Variants in IL13RA1 observed in about 807,000 individuals in gnomAD.
IL13RA1 encodes the protein interleukin 13 receptor subunit alpha 1.
A neutral mutation model predicts 33.8 loss-of-function variants in IL13RA1; 14 were observed. The ratio of observed to expected loss-of-function variants is 0.41; its 90% CI spans 0.27 to 0.65. IL13RA1 has a LOEUF of 0.65. Ranked by LOEUF, IL13RA1 falls within the 30% of genes least tolerant of loss-of-function variation. The probability of loss-of-function intolerance (pLI) is 0.28; values close to 1 mark genes in which losing one functional copy is unlikely to be tolerated. For missense variants in IL13RA1, 313 were observed against 327.0 expected (o/e 0.96, Z 0.33); for synonymous variants, 116 against 115.7 (o/e 1.00, Z -0.02).
intron 1 of IL13RA1, among the ~76,000 whole-genome samples, chrX:118,734,586 C>T (rs908130687): frequency 1.8e-5 from 2 of 111,816 alleles, no homozygotes; most frequent in Non-Finnish European, 3.8e-5. Context: ...GTAGTTTTTT[C>T]CCCTTTATTC....
At chrX:118,796,008 A>C (rs779572026), downstream of IL13RA1, among the ~76,000 whole-genome samples, 1 of 112,377 alleles carries the variant, frequency 8.9e-6, no homozygotes, top group African/African-American at 3.2e-5. Flanking sequence ...GATGTGCTAG[A>C]TATTTTTGAC....
At position 118,794,225 on chromosome X, in the gene IL13RA1, C is replaced by T. The variant is rs908003479; in HGVS notation, c.*2371C>T. The stretch of plus-strand genomic sequence containing the variant: ...TGGGAATACCTGTGGTGGTTGTGAT[C>T]CCTAGGTCTTGGGAGCTCTTGGAGG... On this transcript the variant is annotated 3_prime_UTR_variant, in exon 11 of 11. Coordinates refer to ENST00000371666, the MANE Select transcript of IL13RA1 (RefSeq NM_001560.3). The T allele has an allele frequency of 2.7e-5, 3 of 111,681 alleles. No individual in the cohort carries two copies. The highest frequency in any genetic ancestry group is 5.7e-5 in the Non-Finnish European group (3 of 53,070). 9.2% of individuals were successfully genotyped at this position (111,681 alleles called of 1,213,427 possible).
chrX:118,769,004 C>G (rs1443408847), intron 8 of IL13RA1, among the ~76,000 whole-genome samples: 1 of 112,521 alleles, frequency 8.9e-6, no homozygotes, highest in Non-Finnish European at 1.9e-5. Context: ...AACTGGCTTT[C>G]CCAAGTGAGT....
intron 4 of IL13RA1, among the ~76,000 whole-genome samples, chrX:118,755,219 G>T (rs111663197): frequency 0.025 from 2,789 of 110,580 alleles, 91 homozygotes; most frequent in African/African-American, 0.086. Flanking sequence ...AAAGTGCTGG[G>T]ATTACAGGCG....
intron 10 of IL13RA1, among the ~76,000 whole-genome samples, chrX:118,782,596 T>C (rs2017856956): frequency 1.0e-5 from 1 of 100,150 alleles, no homozygotes; most frequent in Non-Finnish European, 2.0e-5. Context: ...GGTGTTTTTT[T>C]GTTTTTGCTT....
intron 8 of IL13RA1, among the ~76,000 whole-genome samples, chrX:118,767,741 G>A (rs1423332790): frequency 2.7e-5 from 3 of 111,570 alleles, no homozygotes; most frequent in African/African-American, 6.5e-5. Flanking sequence ...TGTGCTTTAT[G>A]GATGTGTGTG....
intron 8 of IL13RA1, chrX:118,770,490 C>A: frequency 2.1e-6 from 1 of 486,613 alleles, no homozygotes; most frequent in Non-Finnish European, 3.7e-6. Flanking sequence ...ACGACAAGCT[C>A]AGCCCCATCC....
intron 10 of IL13RA1, among the ~76,000 whole-genome samples, chrX:118,787,350 C>T (rs973833572): frequency 4.5e-5 from 5 of 110,712 alleles, no homozygotes; most frequent in Non-Finnish European, 5.7e-5. Flanking sequence ...AGGGAGTGTA[C>T]GAATAGGGTG....
downstream of IL13RA1, among the ~76,000 whole-genome samples, chrX:118,796,384 A>G (rs2018031909): frequency 8.9e-6 from 1 of 112,213 alleles, no homozygotes; most frequent in African/African-American, 3.2e-5. Flanking sequence ...AAGCCTGTAT[A>G]ATATAGTCAG....
rs1450439286 is a variant in IL13RA1 at position 118,727,612 on chromosome X, C to T, written c.-27C>T. Reference sequence around the variant, plus strand: ...GGCGGGGACTGCCAAGGCTCCAGCCCGGCCGGGCTCCGAGGCGAGAGGCTG... The same window carrying T: ...GGCGGGGACTGCCAAGGCTCCAGCCTGGCCGGGCTCCGAGGCGAGAGGCTG... On this transcript the variant is annotated 5_prime_UTR_variant, in exon 1 of 11. Transcript: ENST00000371666. 3.4e-6 allele frequency: 3 copies of T among 876,079 alleles called. No homozygotes were observed. The highest frequency in any genetic ancestry group is 5.7e-5 in the Admixed American group (1 of 17,607). 72.2% of individuals were successfully genotyped at this position (876,079 alleles called of 1,213,427 possible). A position where few individuals can be genotyped will look rare whatever the true frequency, so the allele number is the denominator to read the frequency against.
intron 4 of IL13RA1, 75 bp from the exon 5 acceptor site, chrX:118,757,980 C>T (rs1041844888): frequency 6.2e-6 from 4 of 642,399 alleles, no homozygotes; most frequent in African/African-American, 4.3e-5. Flanking sequence ...TGTGAGCCAC[C>T]GCGCCCAGCC....
the IL13RA1 span, among the ~76,000 whole-genome samples, chrX:118,802,256 G>A: frequency 1.8e-5 from 2 of 112,370 alleles, no homozygotes; most frequent in South Asian, 7.3e-4. Context: ...TGCAGCCAAA[G>A]GTGGCCCTGC....
At position 118,727,624 on chromosome X, in the gene IL13RA1, G is replaced by T; in HGVS notation, c.-15G>T. The T allele has an allele frequency of 1.1e-6, 1 of 913,896 alleles. No homozygotes were observed. Among genetic ancestry groups the T allele is most frequent in the East Asian group, 4.2e-5 (1 of 23,662 alleles). The allele number at this position is 913,896 out of a possible 1,213,427, so 75.3% of individuals were successfully genotyped here. ...CAAGGCTCCAGCCCGGCCGGGCTCC[G>T]AGGCGAGAGGCTGCATGGAGTGGCC... On this transcript the variant is annotated 5_prime_UTR_variant, in exon 1 of 11. Transcript: ENST00000371666.
Position 118,741,014 on chromosome X carries a change from C to A in IL13RA1, c.89-3C>A. On this transcript the variant is annotated splice_region_variant and splice_polypyrimidine_tract_variant and intron_variant, in intron 1 of 10. Coordinates refer to ENST00000371666, the MANE Select transcript of IL13RA1 (RefSeq NM_001560.3). ...CATTTTTTTTTGTCCTTGATTTGAA[C>A]AGAAACTCAGCCACCTGTGACAAAT... is the stretch of plus-strand genomic sequence containing the variant. The A allele has an allele frequency of 1.8e-6, 2 of 1,107,899 alleles. No individual in the cohort carries two copies. Among genetic ancestry groups the A allele is most frequent in the Non-Finnish European group, 2.5e-6 (2 of 803,324 alleles). The allele number at this position is 1,107,899 out of a possible 1,213,427, so 91.3% of individuals were successfully genotyped here.
chrX:118,788,546 G>A (rs1402875737), intron 10 of IL13RA1, among the ~76,000 whole-genome samples: 1 of 111,653 alleles, frequency 9.0e-6, no homozygotes, highest in East Asian at 2.8e-4. Context: ...TGTTTTATAG[G>A]CACAGAGACT....
At chrX:118,736,604 ATTTTG>A (rs1426562520) in intron 1 of IL13RA1, among the ~76,000 whole-genome samples, 1 of 110,563 alleles carries the variant, frequency 9.0e-6, no homozygotes, top group East Asian at 2.8e-4. Flanking sequence ...GTTTTGTTTC[ATTTTG>A]TTTTGTTTTG....
At chrX:118,763,900 T>A (rs1315314204) in intron 6 of IL13RA1, among the ~76,000 whole-genome samples, 2 of 111,979 alleles carry the variant, frequency 1.8e-5, no homozygotes, top group Admixed American at 1.9e-4. Flanking sequence ...CAGAACTATT[T>A]TCTATTTGGA....
chrX:118,757,524 CAAA>C (rs1166805158), intron 4 of IL13RA1, among the ~76,000 whole-genome samples: 1 of 32,702 alleles, frequency 3.1e-5, no homozygotes, highest in African/African-American at 1.1e-4. Flanking sequence ...GACTCTGTCT[CAAA>C]AAAAAAAAAA....
intron 8 of IL13RA1, chrX:118,770,468 G>A (rs772391436): frequency 1.4e-5 from 6 of 438,130 alleles, no homozygotes; most frequent in Admixed American, 2.7e-5. Context: ...CCCAACTGGC[G>A]CTGGCTGGTC....
Sources: gnomAD v4.1 joint callset for allele counts (sites outside exome capture counted in the v4.1 genomes callset) on GRCh38, gnomAD v4.1.1 for gene constraint, MANE v1.5 for transcripts, NCBI Gene and HGNC (gene_info 2026-07-23, HGNC 2026-07-21) for gene names.